Variants in P4HA1 observed in about 807,000 individuals in gnomAD.
P4HA1 encodes prolyl 4-hydroxylase subunit alpha 1.
A neutral mutation model predicts 72.8 loss-of-function variants in P4HA1; 24 were observed. The ratio of observed to expected loss-of-function variants is 0.33; its 90% CI spans 0.24 to 0.46. The LOEUF (loss-of-function observed/expected upper bound fraction) is 0.46, where lower values mean the gene tolerates loss of function less well. P4HA1 is among the 20% of genes least tolerant of loss of function. P4HA1 has a pLI of 1.00. For synonymous variants in P4HA1, 201 were observed against 218.8 expected, an observed-to-expected ratio of 0.92 and a Z score of 0.72; for missense variants, 446 against 640.6, an observed-to-expected ratio of 0.70 and a Z score of 3.28.
chr10:73,024,022 C>G (rs1483885678), intron 10 of P4HA1, among the ~76,000 whole-genome samples: 7 of 152,164 alleles, frequency 4.6e-5, no homozygotes, highest in South Asian at 4.1e-4. Context: ...GAGACTTAGA[C>G]TCTCACACAA....
At chr10:73,062,591 G>A (rs1195373696) in intron 5 of P4HA1, among the ~76,000 whole-genome samples, 1 of 152,042 alleles carries the variant, frequency 6.6e-6, no homozygotes, top group Admixed American at 6.6e-5. Flanking sequence ...TTAAGTGTCC[G>A]ATAACATCAC....
chr10:73,093,851 A>AT (rs1842089114), intron 1 of P4HA1, among the ~76,000 whole-genome samples: 1 of 49,922 alleles, frequency 2.0e-5, no homozygotes, highest in African/African-American at 1.2e-4. Context: ...TCAAAAAAAA[A>AT]AAAAAAAAAA....
At chr10:73,079,721 G>C (rs192115577) in intron 1 of P4HA1, among the ~76,000 whole-genome samples, 2 of 152,094 alleles carry the variant, frequency 1.3e-5, no homozygotes, top group Non-Finnish European at 2.9e-5. Context: ...CAGCCTGGGA[G>C]ACAAGAGTGA....
intron 5 of P4HA1, among the ~76,000 whole-genome samples, chr10:73,068,226 C>T (rs1027145437): frequency 7.9e-5 from 12 of 152,136 alleles, no homozygotes; most frequent in African/African-American, 2.2e-4. Flanking sequence ...TTTTTTCTTA[C>T]GGAGAAAATC....
intron 1 of P4HA1, among the ~76,000 whole-genome samples, chr10:73,081,572 C>G (rs1841823662): frequency 6.6e-6 from 1 of 152,130 alleles, no homozygotes; most frequent in Admixed American, 6.5e-5. Context: ...TCCTACAGTT[C>G]TTATTCCAGG....
intron 1 of P4HA1, among the ~76,000 whole-genome samples, chr10:73,093,907 T>TAA: frequency 1.8e-5 from 1 of 55,616 alleles, no homozygotes; most frequent in East Asian, 7.5e-4. Flanking sequence ...TATATATATA[T>TAA]ACACACACAC....
At chr10:73,077,372 C>T (rs1257099159) in intron 1 of P4HA1, among the ~76,000 whole-genome samples, 1 of 152,166 alleles carries the variant, frequency 6.6e-6, no homozygotes, top group Non-Finnish European at 1.5e-5. Context: ...AATATATTGT[C>T]ACTAAAGTTT....
At chr10:73,044,356 A>C (rs1840805885) in intron 9 of P4HA1, among the ~76,000 whole-genome samples, 2 of 152,208 alleles carry the variant, frequency 1.3e-5, no homozygotes, top group Non-Finnish European at 2.9e-5. Context: ...ACTGTTTTTA[A>C]ATCTCTCTGG....
At chr10:73,022,241 G>A (rs1840152975) in intron 10 of P4HA1, among the ~76,000 whole-genome samples, 1 of 152,142 alleles carries the variant, frequency 6.6e-6, no homozygotes, top group South Asian at 2.1e-4. Flanking sequence ...TCCCAGTAGG[G>A]GCCGACAGAC....
chr10:73,075,993 C>G (rs1841688881), intron 1 of P4HA1, among the ~76,000 whole-genome samples: 3 of 152,136 alleles, frequency 2.0e-5, no homozygotes, highest in Admixed American at 6.5e-5. Flanking sequence ...GGAGTCCCAG[C>G]TACTTGGGAG....
Position 73,012,790 on chromosome 10 carries a change from A to T in P4HA1, c.1368+1434T>A, listed in dbSNP as rs549990044. Among the ~76,000 whole-genome samples the T allele has an allele frequency of 4.4e-3, 675 of 151,854 alleles. 2 individuals carry two copies. The highest frequency in any genetic ancestry group is 0.017 in the Middle Eastern group (5 of 292). On this transcript the variant is annotated intron_variant, in intron 12 of 14. Transcript: ENST00000394890. ...TTAAGTCTACATATAAAATATATATATTTTTTTTATTTTTATTTTTTGAGA... is the reference window on the plus strand; with the variant it reads ...TTAAGTCTACATATAAAATATATATTTTTTTTTTATTTTTATTTTTTGAGA...
At chr10:73,087,101 C>G (rs1841938877) in intron 1 of P4HA1, among the ~76,000 whole-genome samples, 1 of 152,036 alleles carries the variant, frequency 6.6e-6, no homozygotes, top group African/African-American at 2.4e-5. Flanking sequence ...GCCCTTCCAA[C>G]AGCAAAGGAT....
chr10:73,031,751 T>G (rs536548323), intron 9 of P4HA1, among the ~76,000 whole-genome samples: 21 of 152,164 alleles, frequency 1.4e-4, no homozygotes, highest in Non-Finnish European at 2.4e-4. Flanking sequence ...TAAAAACCAC[T>G]GAAATGCATA....
chr10:73,096,283 C>T (rs931678773), intron 1 of P4HA1, among the ~76,000 whole-genome samples: 6 of 152,208 alleles, frequency 3.9e-5, no homozygotes, highest in African/African-American at 1.4e-4. Context: ...TGGCGCGCTG[C>T]GGATCCAGCT....
At chr10:73,067,575 A>G (rs1202131076) in intron 5 of P4HA1, among the ~76,000 whole-genome samples, 1 of 152,130 alleles carries the variant, frequency 6.6e-6, no homozygotes, top group African/African-American at 2.4e-5. Flanking sequence ...CTCTACATTA[A>G]GCCATACAAA....
Position 73,077,290 on chromosome 10 carries a change from T to C in P4HA1, c.-32-2375A>G, listed in dbSNP as rs1047324842. Among the ~76,000 whole-genome samples the C allele has an allele frequency of 1.7e-4, 26 of 152,386 alleles. 1 individual carries two copies. The East Asian group carries it at 5.0e-3, about 29-fold the overall frequency. Reference sequence around the variant, plus strand: ...CTGTTAACAGAAGGCTAATCACAAATGTTGTCTAAACTTTTAACTCTGATA... The same window carrying C: ...CTGTTAACAGAAGGCTAATCACAAACGTTGTCTAAACTTTTAACTCTGATA... On this transcript the variant is annotated intron_variant, in intron 1 of 14. Transcript: ENST00000394890.
intron 11 of P4HA1, among the ~76,000 whole-genome samples, chr10:73,014,829 TTC>T (rs1183997672): frequency 1.3e-5 from 2 of 150,046 alleles, no homozygotes; most frequent in Admixed American, 1.3e-4. Context: ...ATTTTCTTTT[TTC>T]TTTTTTTTTT....
intron 10 of P4HA1, 106 bp downstream of exon 10, chr10:73,030,165 C>A: frequency 2.1e-6 from 1 of 478,890 alleles, no homozygotes; most frequent in Non-Finnish European, 3.7e-6. Context: ...TTTTTAAGGT[C>A]CCAAACTATC....
intron 9 of P4HA1, among the ~76,000 whole-genome samples, chr10:73,038,466 C>G (rs895775194): frequency 6.6e-6 from 1 of 152,050 alleles, no homozygotes; most frequent in Non-Finnish European, 1.5e-5. Flanking sequence ...ATTTATATTA[C>G]TTTAACTAGA....
Sources: allele counts gnomAD v4.1 joint callset (sites outside exome capture counted in the v4.1 genomes callset), GRCh38; gene constraint gnomAD v4.1.1; transcripts MANE v1.5; gene names NCBI Gene and HGNC (gene_info 2026-07-23, HGNC 2026-07-21).